DNAJB1: variants seen among roughly 807,000 people sequenced by gnomAD.
DNAJB1 encodes dnaJ homolog subfamily B member 1.
Under a neutral mutation model 24.0 loss-of-function variants are expected in DNAJB1, and 14 were observed. That is an observed-to-expected ratio of 0.58 (90% CI 0.39 to 0.91). DNAJB1 has a LOEUF of 0.91. Among genes scored for constraint, DNAJB1 ranks in the 40% least tolerant of loss-of-function variants. The pLI is 0.00. For missense variants in DNAJB1, 517 were observed against 458.1 expected, an observed-to-expected ratio of 1.13 and a Z score of -1.17; for synonymous variants, 262 against 174.4, an observed-to-expected ratio of 1.50 and a Z score of -3.96.
At position 14,523,603 on chromosome 19, in the gene DNAJB1, C is replaced by T. The variant is rs114913310; in HGVS notation, c.-90+4123G>A. Reference sequence around the variant, plus strand: ...CTGGGATTACAAGGGTTGAACCCTACACCCGGCCTTGTTTTTGTTTTTTTT... The same window carrying T: ...CTGGGATTACAAGGGTTGAACCCTATACCCGGCCTTGTTTTTGTTTTTTTT... On this transcript the variant is annotated intron_variant, in intron 2 of 3. Coordinates refer to the DNAJB1 transcript ENST00000396969. Among the ~76,000 whole-genome samples, 1,169 of 150,750 alleles carry T rather than the reference C, an allele frequency of 7.8e-3. 22 individuals are homozygous for T. The highest frequency in any genetic ancestry group is 0.026 in the African/African-American group (1,081 of 41,034).
Position 14,518,377 on chromosome 19 carries a change from C to T in DNAJB1, c.-28G>A, listed in dbSNP as rs1300821656. On this transcript the variant is annotated 5_prime_UTR_variant, in exon 1 of 3. Transcript: ENST00000254322. Reference sequence around the variant, plus strand: ...CCCCCTCCTGCGGCCCGCCGACCCGCTGTCGCCGTCCCCCGGCTCCGCCGC... The same window carrying T: ...CCCCCTCCTGCGGCCCGCCGACCCGTTGTCGCCGTCCCCCGGCTCCGCCGC... 1 of 1,527,480 alleles carries T rather than the reference C, an allele frequency of 6.5e-7. No homozygotes were observed. Among genetic ancestry groups the T allele is most frequent in the South Asian group, 1.2e-5 (1 of 80,030 alleles). 94.6% of individuals were successfully genotyped at this position (1,527,480 alleles called of 1,614,324 possible).
At chr19:14,530,544 C>G (rs933703425), upstream of DNAJB1, 1 of 152,172 alleles carries the variant, frequency 6.6e-6, no homozygotes, top group Non-Finnish European at 1.5e-5. Flanking sequence ...TGGTGAGATT[C>G]TGTTACCTTG....
chr19:14,535,594 GTA>G (rs2072869660), intron 1 of DNAJB1, among the ~76,000 whole-genome samples: 1 of 38,906 alleles, frequency 2.6e-5, no homozygotes, highest in African/African-American at 6.9e-5. Flanking sequence ...ATATATGTAT[GTA>G]TATATAAATT....
At chr19:14,548,045 C>T (rs139423534) in intron 1 of DNAJB1, among the ~76,000 whole-genome samples, 17 of 151,430 alleles carry the variant, frequency 1.1e-4, no homozygotes, top group South Asian at 6.3e-4. Flanking sequence ...TTCACTGCCA[C>T]CTCTGCCTCC....
upstream of DNAJB1, among the ~76,000 whole-genome samples, chr19:14,551,932 TCTCTCCCTCCCTCCCTCTCTC>T (rs2073527358): frequency 8.6e-6 from 1 of 116,730 alleles, no homozygotes; most frequent in Admixed American, 8.4e-5. Context: ...CCTCCCTCTC[TCTCTCCCTCCCTCCCTCTCTC>T]TCTCTCTCTC....
upstream of DNAJB1, among the ~76,000 whole-genome samples, chr19:14,534,530 G>A (rs1004441457): frequency 1.5e-5 from 2 of 132,840 alleles, no homozygotes; most frequent in Admixed American, 1.7e-4. Context: ...CCACCTCCCC[G>A]GTTCAAGCGA....
At position 14,517,065 on chromosome 19, in the gene DNAJB1, A is replaced by C; in HGVS notation, c.212-19T>G. ...TTTAGGCCTGAAAAGCAGATTTAGA[A>C]GCAGTCAGATGGCTGAACAGCAGAC... On this transcript the variant is annotated intron_variant, in intron 1 of 2. Coordinates refer to ENST00000254322, the MANE Select transcript of DNAJB1 (RefSeq NM_006145.3). 6.3e-7 allele frequency: 1 copy of C among 1,589,894 alleles called. No homozygotes were observed. Among genetic ancestry groups the C allele is most frequent in the Non-Finnish European group, 8.6e-7 (1 of 1,167,294 alleles).
At position 14,542,347 on chromosome 19, in the gene DNAJB1, G is replaced by GGGTTTTTTT. The variant is rs2073124658; in HGVS notation, c.-214+7860_-214+7861insAAAAAAACC. Among the ~76,000 whole-genome samples, 331 of 43,302 alleles carry GGGTTTTTTT rather than the reference G, an allele frequency of 7.6e-3. 5 individuals carry two copies. Among genetic ancestry groups the GGGTTTTTTT allele is most frequent in the African/African-American group, 0.026 (321 of 12,326 alleles). 28.4% of individuals were successfully genotyped at this position (43,302 alleles called of 152,430 possible). A position where few individuals can be genotyped will look rare whatever the true frequency, so the allele number is the denominator to read the frequency against. ...CCTCAGGGGGCCCTCATGCCATAGTGTTTTTTTTTTTTTTTTTTTTTTTTT... is the reference window on the plus strand; with the variant it reads ...CCTCAGGGGGCCCTCATGCCATAGTGGGTTTTTTTTTTTTTTTTTTTTTTTTTTTTTTTT... On this transcript the variant is annotated intron_variant, in intron 1 of 3. Transcript: ENST00000676982.
chr19:14,558,904 AGC>A (rs1232499280), intron 1 of DNAJB1, among the ~76,000 whole-genome samples: 1 of 152,162 alleles, frequency 6.6e-6, no homozygotes, highest in African/African-American at 2.4e-5. Flanking sequence ...GGCTCTGTTC[AGC>A]AGCTGCCTGT....
intron 1 of DNAJB1, among the ~76,000 whole-genome samples, chr19:14,543,805 C>T (rs1287429465): frequency 1.3e-5 from 2 of 151,586 alleles, no homozygotes; most frequent in African/African-American, 4.9e-5. Flanking sequence ...GTGGTATGAT[C>T]GCAGCTCATT....
Position 14,516,827 on chromosome 19 carries a change from A to C in DNAJB1, c.431T>G (p.Val144Gly), listed in dbSNP as rs1398551866. 1.2e-6 allele frequency: 2 copies of C among 1,613,832 alleles called. No homozygotes were observed. Among genetic ancestry groups the C allele is most frequent in the East Asian group, 2.2e-5 (1 of 44,870 alleles). Residue 144 changes from valine (V) to glycine (G), a missense_variant, in exon 2 of 3, where the codon GTG (valine) becomes GGG (glycine). Coordinates refer to ENST00000254322, the MANE Select transcript of DNAJB1 (RefSeq NM_006145.3). ...FPMGMGGFTNVNFGRSRSAQE... is the reference protein window; with the variant it reads ...FPMGMGGFTNGNFGRSRSAQE... Reference sequence around the variant, plus strand: ...GGCAGAGCGGGAGCGGCCAAAGTTCACGTTGGTGAAGCCACCCATGCCCAT... The same window carrying C: ...GGCAGAGCGGGAGCGGCCAAAGTTCCCGTTGGTGAAGCCACCCATGCCCAT...
upstream of DNAJB1, among the ~76,000 whole-genome samples, chr19:14,552,354 G>A (rs200078638): frequency 1.3e-5 from 2 of 149,324 alleles, no homozygotes; most frequent in East Asian, 4.0e-4. Context: ...TTTCTCTGTT[G>A]CACATAGCCC....
rs529358952 is a variant in DNAJB1 at position 14,558,597 on chromosome 19, C to T, written c.-2166+1434G>A. 8.5e-3 allele frequency among the ~76,000 whole-genome samples: 1,291 copies of T among 152,274 alleles called. 9 individuals are homozygous for T. Among genetic ancestry groups the T allele is most frequent in the Non-Finnish European group, 0.013 (918 of 68,014 alleles). Reference sequence around the variant, plus strand: ...CCGGCAGAGCCACCAGCCTGTGCCCCAGGCCAGAGTGCCTGCCTGTCTGCC... The same window carrying T: ...CCGGCAGAGCCACCAGCCTGTGCCCTAGGCCAGAGTGCCTGCCTGTCTGCC... On this transcript the variant is annotated intron_variant, in intron 1 of 5. Transcript: ENST00000679223.
upstream of DNAJB1, among the ~76,000 whole-genome samples, chr19:14,553,761 G>A (rs1354773319): frequency 6.6e-6 from 1 of 152,146 alleles, no homozygotes; most frequent in Non-Finnish European, 1.5e-5. Context: ...ATCGGGCCAG[G>A]CCTCCGACCT....
upstream of DNAJB1, chr19:14,529,967 C>T: frequency 6.9e-6 from 4 of 576,008 alleles, no homozygotes; most frequent in South Asian, 8.1e-5. Context: ...GGCTGGGACG[C>T]TTGCAGGTTC....
chr19:14,559,410 T>C (rs1419139445), intron 1 of DNAJB1, among the ~76,000 whole-genome samples: 3 of 152,168 alleles, frequency 2.0e-5, no homozygotes, highest in African/African-American at 7.2e-5. Flanking sequence ...TGCATAGATA[T>C]GGGACCTTTG....
intron 1 of DNAJB1, among the ~76,000 whole-genome samples, chr19:14,540,835 TTTTGTTTG>T (rs545326932): frequency 6.6e-6 from 1 of 152,080 alleles, no homozygotes; most frequent in African/African-American, 2.4e-5. Context: ...GGCTGCTTTT[TTTTGTTTG>T]TTTGTTTGTT....
At chr19:14,546,714 T>A (rs1198659197) in intron 1 of DNAJB1, among the ~76,000 whole-genome samples, 1 of 152,230 alleles carries the variant, frequency 6.6e-6, no homozygotes, top group Non-Finnish European at 1.5e-5. Flanking sequence ...AGACGGAGTC[T>A]TGCTCTGTTG....
chr19:14,520,852 G>C (rs1213676549), upstream of DNAJB1, among the ~76,000 whole-genome samples: 2 of 151,868 alleles, frequency 1.3e-5, no homozygotes, highest in African/African-American at 4.8e-5. Context: ...AATTAGCCGG[G>C]TGCAATGATG....
Sources: gnomAD v4.1 joint callset for allele counts (sites outside exome capture counted in the v4.1 genomes callset) on GRCh38, gnomAD v4.1.1 for gene constraint, MANE v1.5 for transcripts, NCBI Gene and HGNC (gene_info 2026-07-23, HGNC 2026-07-21) for gene names.